GTF2H3: variants seen among roughly 807,000 people sequenced by gnomAD.
The protein encoded by GTF2H3 is general transcription factor IIH subunit 3.
GTF2H3 carries 42 observed loss-of-function variants against 51.1 expected under a neutral mutation model. The ratio of observed to expected loss-of-function variants is 0.82; its 90% CI spans 0.64 to 1.06. GTF2H3 has a LOEUF of 1.06. Ranked by LOEUF, GTF2H3 falls within the 50% of genes least tolerant of loss-of-function variation. The probability of loss-of-function intolerance (pLI) is 0.00; values close to 1 mark genes in which losing one functional copy is unlikely to be tolerated. For missense variants in GTF2H3, 326 were observed against 366.1 expected (o/e 0.89, Z 0.89); for synonymous variants, 123 against 123.8 (o/e 0.99, Z 0.04).
chr12:123,650,484 GT>G (rs1955506550), intron 4 of GTF2H3: 1 of 154,828 alleles, frequency 6.5e-6, no homozygotes, highest in African/African-American at 2.4e-5. Flanking sequence ...ACCTTTCCAA[GT>G]AAAAACGGGA....
chr12:123,641,477 C>T (rs990272270), intron 2 of GTF2H3, among the ~76,000 whole-genome samples: 12 of 151,188 alleles, frequency 7.9e-5, no homozygotes, highest in South Asian at 2.1e-4. Flanking sequence ...CTGCCTGCCT[C>T]GACCTCCCAA....
At chr12:123,654,344 GTATT>G (rs1423484789) in intron 7 of GTF2H3, among the ~76,000 whole-genome samples, 2 of 151,296 alleles carry the variant, frequency 1.3e-5, no homozygotes, top group Non-Finnish European at 2.9e-5. Context: ...TTGGGTGTGT[GTATT>G]TAGTGGTGTG....
Position 123,660,292 on chromosome 12 carries a change from C to A in GTF2H3, c.*57C>A. ...GTTAATAGAAATTATATAGCAGATTCTTTGTTGGGAAGACTGAAAAAAATA... is the reference window on the plus strand; with the variant it reads ...GTTAATAGAAATTATATAGCAGATTATTTGTTGGGAAGACTGAAAAAAATA... On this transcript the variant is annotated 3_prime_UTR_variant, in exon 13 of 13. Transcript: ENST00000543341. The A allele has an allele frequency of 8.0e-7, 1 of 1,250,226 alleles. No individual in the cohort carries two copies. Among genetic ancestry groups the A allele is most frequent in the South Asian group, 1.3e-5 (1 of 75,820 alleles). The allele number at this position is 1,250,226 out of a possible 1,614,324, so 77.4% of individuals were successfully genotyped here. A position where few individuals can be genotyped will look rare whatever the true frequency, so the allele number is the denominator to read the frequency against.
chr12:123,648,293 C>G, intron 4 of GTF2H3, 167 bp downstream of exon 4: 1 of 505,306 alleles, frequency 2.0e-6, no homozygotes, highest in East Asian at 3.4e-5. Context: ...GCCTCTACAG[C>G]ATTTGACGCT....
chr12:123,637,272 G>A (rs1955298290), intron 1 of GTF2H3, among the ~76,000 whole-genome samples: 2 of 151,868 alleles, frequency 1.3e-5, no homozygotes, highest in East Asian at 1.9e-4. Flanking sequence ...GGGGTGGTGC[G>A]TGCATGTAGT....
chr12:123,641,224 G>A (rs1955366945), intron 2 of GTF2H3, among the ~76,000 whole-genome samples: 1 of 149,140 alleles, frequency 6.7e-6, no homozygotes, highest in Non-Finnish European at 1.5e-5. Context: ...TTGTTGAATT[G>A]TGTATTTCTT....
At chr12:123,652,679 ATTT>A in intron 6 of GTF2H3, 25 bp from the exon 7 acceptor site, 1 of 1,543,800 alleles carries the variant, frequency 6.5e-7, no homozygotes, top group African/African-American at 1.4e-5. Flanking sequence ...ATTTAGTTAA[ATTT>A]TTTTCTGCTT....
At chr12:123,636,507 G>T (rs1204732623) in intron 1 of GTF2H3, among the ~76,000 whole-genome samples, 1 of 149,190 alleles carries the variant, frequency 6.7e-6, no homozygotes, top group African/African-American at 2.5e-5. Flanking sequence ...CGGGCACGGC[G>T]GCACATGCCT....
At chr12:123,638,065 A>G (rs986348031) in intron 1 of GTF2H3, among the ~76,000 whole-genome samples, 6 of 151,338 alleles carry the variant, frequency 4.0e-5, no homozygotes, top group Admixed American at 3.9e-4. Flanking sequence ...TGGCAGGAAC[A>G]TGGCTCACTG....
At chr12:123,657,727 C>T (rs1384232020) in intron 9 of GTF2H3, among the ~76,000 whole-genome samples, 1 of 152,224 alleles carries the variant, frequency 6.6e-6, no homozygotes, top group Non-Finnish European at 1.5e-5. Flanking sequence ...ATGTTTACTG[C>T]TGTAACCCTG....
At chr12:123,652,214 A>G (rs967352573) in intron 5 of GTF2H3, among the ~76,000 whole-genome samples, 7 of 152,220 alleles carry the variant, frequency 4.6e-5, no homozygotes, top group East Asian at 1.9e-4. Context: ...TTGCCTGAAC[A>G]TATTTGTAAA....
intron 2 of GTF2H3, among the ~76,000 whole-genome samples, chr12:123,641,664 A>G (rs1050230849): frequency 6.6e-6 from 1 of 151,788 alleles, no homozygotes; most frequent in Non-Finnish European, 1.5e-5. Flanking sequence ...GTGTACTCAC[A>G]TTTAATATAA....
Position 123,659,511 on chromosome 12 carries a change from T to TGCAG in GTF2H3, c.616-2_617dup. The TGCAG allele has an allele frequency of 6.2e-7, 1 of 1,614,122 alleles. No individual in the cohort carries two copies. The highest frequency in any genetic ancestry group is 8.5e-7 in the Non-Finnish European group (1 of 1,179,948). ...GTTTGGCAGCAAGCCGCCTGTGTCTTGCAGGCTTGTGACATCACGGGAGGA... is the reference window on the plus strand; with the variant it reads ...GTTTGGCAGCAAGCCGCCTGTGTCTTGCAGGCAGGCTTGTGACATCACGGGAGGA... On this transcript the variant is annotated splice_region_variant and splice_polypyrimidine_tract_variant and intron_variant, in intron 9 of 12. Transcript: ENST00000543341.
Position 123,633,839 on chromosome 12 carries a change from CGCTGAGGT to C in GTF2H3, c.-16_-9del, listed in dbSNP as rs1955228703. ...GCTCCCCTGACCACCACTTGCTCTG[CGCTGAGGT>C]GCTGGGACAGCCATGGTTTCAGACG... On this transcript the variant is annotated 5_prime_UTR_variant, in exon 1 of 13. Transcript: ENST00000543341. 1.2e-6 allele frequency: 2 copies of C among 1,612,536 alleles called. No homozygotes were observed. The highest frequency in any genetic ancestry group is 2.2e-5 in the South Asian group (2 of 91,084).
intron 9 of GTF2H3, chr12:123,656,127 T>C (rs1955583744): frequency 4.0e-6 from 1 of 249,260 alleles, no homozygotes; most frequent in Non-Finnish European, 7.7e-6. Context: ...TGTTAGATGT[T>C]TTTTGGCCAC....
chr12:123,657,345 G>A (rs1388431245), intron 9 of GTF2H3, among the ~76,000 whole-genome samples: 1 of 152,142 alleles, frequency 6.6e-6, no homozygotes, highest in Non-Finnish European at 1.5e-5. Flanking sequence ...GAGGCTCCTG[G>A]GAACCTTTTG....
chr12:123,657,802 G>A (rs1566233973), intron 9 of GTF2H3, among the ~76,000 whole-genome samples: 1 of 152,194 alleles, frequency 6.6e-6, no homozygotes, highest in South Asian at 2.1e-4. Context: ...AACCAGGACT[G>A]TACTATCAGA....
chr12:123,654,813 T>C, intron 7 of GTF2H3, 111 bp from the exon 8 acceptor site: 9 of 755,954 alleles, frequency 1.2e-5, no homozygotes, highest in Non-Finnish European at 2.1e-5. Context: ...CAATGATAAA[T>C]GGGAAGACAA....
Position 123,648,043 on chromosome 12 carries a change from C to T in GTF2H3, c.281C>T (p.Ser94Phe), listed in dbSNP as rs766282478. 6.8e-6 allele frequency: 11 copies of T among 1,608,316 alleles called. No individual in the cohort carries two copies. The Admixed American group carries it at 1.2e-4, about 17-fold the overall frequency. ...GGCAACCCTCCTGAATTTAATCCCT[C>T]TGGGAGTAAAGATGGAAAATACGAA... The part of the protein sequence containing the change: ...DPGNPPEFNP[S>F]GSKDGKYELL... The change falls in exon 4 of 13, where the codon TCT (serine) becomes TTT (phenylalanine). Residue 94 changes from serine (S) to phenylalanine (F), a missense_variant. Coordinates refer to ENST00000543341, the MANE Select transcript of GTF2H3 (RefSeq NM_001516.5).
Sources: gnomAD v4.1 joint callset for allele counts (sites outside exome capture counted in the v4.1 genomes callset) on GRCh38, gnomAD v4.1.1 for gene constraint, MANE v1.5 for transcripts, NCBI Gene and HGNC (gene_info 2026-07-23, HGNC 2026-07-21) for gene names.